SNX29: variants seen among roughly 807,000 people sequenced by gnomAD.
The protein encoded by SNX29 is sorting nexin-29.
In SNX29, 78 loss-of-function variants were observed where a neutral mutation model predicts 102.1. That is an observed-to-expected ratio of 0.76 (90% confidence interval 0.64 to 0.92). The LOEUF (loss-of-function observed/expected upper bound fraction) is 0.92. Ranked by LOEUF, SNX29 falls within the 40% of genes least tolerant of loss-of-function variation. SNX29 has a pLI of 0.00. For synonymous variants in SNX29, 580 were observed against 414.5 expected, an observed-to-expected ratio of 1.40 and a Z score of -4.85; for missense variants, 1,280 against 1,061.7, an observed-to-expected ratio of 1.21 and a Z score of -2.86.
chr16:12,276,769 C>T (rs372043092), intron 14 of SNX29, among the ~76,000 whole-genome samples: 1 of 152,104 alleles, frequency 6.6e-6, no homozygotes, highest in Non-Finnish European at 1.5e-5. Flanking sequence ...TCATTCTCAG[C>T]TTTTCTTTAT....
intron 19 of SNX29, among the ~76,000 whole-genome samples, chr16:12,481,231 A>G (rs188920730): frequency 2.6e-5 from 4 of 152,266 alleles, no homozygotes; most frequent in East Asian, 3.9e-4. Flanking sequence ...GTTCTTAACC[A>G]GATTTGTGGT....
chr16:12,556,240 G>T (rs191880599), intron 20 of SNX29: 1 of 152,094 alleles, frequency 6.6e-6, no homozygotes, highest in Non-Finnish European at 1.5e-5. Context: ...GTTTCATGGC[G>T]TCACACCCCA....
chr16:12,495,206 C>G, intron 19 of SNX29, among the ~76,000 whole-genome samples: 1 of 152,130 alleles, frequency 6.6e-6, no homozygotes, highest in East Asian at 1.9e-4. Context: ...GCCTGGAGCA[C>G]AGTGGCATGG....
chr16:12,572,475 C>CCA lies in SNX29; in HGVS notation c.*3847_*3848dup. On this transcript the variant is annotated 3_prime_UTR_variant, in exon 21 of 21. Transcript: ENST00000566228. ...TGGTACATTTTGCCAACCCTGAGGA[C>CCA]CAGTTCTTGGGGTTCCAGGCCTCGG... The CCA allele has an allele frequency of 2.8e-6, 3 of 1,063,810 alleles. No individual in the cohort carries two copies. The highest frequency in any genetic ancestry group is 3.4e-6 in the Non-Finnish European group (3 of 878,380). The allele number at this position is 1,063,810 out of a possible 1,614,324, so 65.9% of individuals were successfully genotyped here. A position where few individuals can be genotyped will look rare whatever the true frequency, so the allele number is the denominator to read the frequency against.
At chr16:12,143,579 C>T (rs1037077858) in intron 13 of SNX29, among the ~76,000 whole-genome samples, 9 of 152,110 alleles carry the variant, frequency 5.9e-5, no homozygotes, top group African/African-American at 2.2e-4. Context: ...TGGTAACAGA[C>T]CCTCCCTTAG....
In SNX29 at chr16:12,052,214, G is replaced by T. The variant is rs368090157; in HGVS notation, c.1116G>T (p.Ser372=). The T allele has an allele frequency of 3.5e-5, 56 of 1,613,660 alleles. 1 individual carries two copies. The South Asian group carries it at 5.3e-4, about 15-fold the overall frequency. The change falls in exon 8 of 21, where the codon TCG becomes TCT. Residue 372 remains serine, a synonymous_variant. Coordinates refer to ENST00000566228, the MANE Select transcript of SNX29 (RefSeq NM_032167.5). ...SGRKHRGHSE[S]PEKPLEGNTC... ...GGAAGCACAGGGGCCACTCGGAGTC[G>T]CCCGAGAAGTAAGTTTGTGTGTAAG... is the stretch of plus-strand genomic sequence containing the variant.
intron 20 of SNX29, among the ~76,000 whole-genome samples, chr16:12,534,115 T>TGCTA (rs1408915277): frequency 6.6e-6 from 1 of 152,146 alleles, no homozygotes; most frequent in Non-Finnish European, 1.5e-5. Context: ...GATGACAAGG[T>TGCTA]GCTAACCAGG....
chr16:12,271,584 GA>G (rs2079093413), intron 14 of SNX29, among the ~76,000 whole-genome samples: 1 of 152,040 alleles, frequency 6.6e-6, no homozygotes, highest in Admixed American at 6.6e-5. Context: ...GGGGCAGGGG[GA>G]ATTGGAACCA....
chr16:12,005,402 C>T (rs906924668), intron 3 of SNX29, among the ~76,000 whole-genome samples: 2 of 152,018 alleles, frequency 1.3e-5, no homozygotes, highest in African/African-American at 2.4e-5. Context: ...TGCCTGAAGC[C>T]GAGGAGCTTG....
Position 12,443,171 on chromosome 16 carries a change from T to A in SNX29, c.2038-34548T>A, listed in dbSNP as rs562559181. 1,452 of 378,222 alleles carry A rather than the reference T, an allele frequency of 3.8e-3. 4 individuals are homozygous for A. Among genetic ancestry groups the A allele is most frequent in the Non-Finnish European group, 5.5e-3 (1,060 of 192,278 alleles). The allele number at this position is 378,222 out of a possible 1,614,324, so 23.4% of individuals were successfully genotyped here. ...GGGCCTGCGTGGGCTTTCTCTGTCA[T>A]GCTCCTTCCTATGGAAGCTGCTCAG... On this transcript the variant is annotated intron_variant, in intron 18 of 20. Transcript: ENST00000566228.
intron 18 of SNX29, among the ~76,000 whole-genome samples, chr16:12,432,975 G>A (rs751522762): frequency 3.3e-5 from 5 of 152,340 alleles, no homozygotes; most frequent in South Asian, 2.1e-4. Context: ...CCTGGGCCAT[G>A]GCATGGGGGT....
intron 2 of SNX29, among the ~76,000 whole-genome samples, chr16:12,001,538 A>G (rs1302960244): frequency 1.3e-5 from 2 of 152,178 alleles, no homozygotes; most frequent in East Asian, 3.8e-4. Flanking sequence ...AATAAAATAT[A>G]GCCATTTAAG....
rs28872315 is a variant in SNX29 at position 12,464,714 on chromosome 16, G to A, written c.2038-13005G>A. On this transcript the variant is annotated intron_variant, in intron 18 of 20. Coordinates refer to ENST00000566228, the MANE Select transcript of SNX29 (RefSeq NM_032167.5). Reference sequence around the variant, plus strand: ...AAGGGATCCTCCCACCTCAGCCTCCGAAAGAGTTGGGATTATAGGCCTGAG... The same window carrying A: ...AAGGGATCCTCCCACCTCAGCCTCCAAAAGAGTTGGGATTATAGGCCTGAG... Among the ~76,000 whole-genome samples, 481 of 152,236 alleles carry A rather than the reference G, an allele frequency of 3.2e-3. 6 individuals are homozygous for A. Among genetic ancestry groups the A allele is most frequent in the African/African-American group, 0.011 (449 of 41,528 alleles).
chr16:12,268,487 G>T (rs2078999840), intron 14 of SNX29, among the ~76,000 whole-genome samples: 1 of 152,152 alleles, frequency 6.6e-6, no homozygotes, highest in Non-Finnish European at 1.5e-5. Flanking sequence ...ACTTGAAGAT[G>T]GTGGATGTTA....
intron 6 of SNX29, 84 bp from the exon 7 acceptor site, chr16:12,048,286 ACT>A (rs2050166269): frequency 6.3e-7 from 1 of 1,584,858 alleles, no homozygotes; most frequent in Non-Finnish European, 8.6e-7. Flanking sequence ...CCTCTTCTGT[ACT>A]CTGTTGTCTG....
chr16:12,273,093 T>C (rs1412580617), intron 14 of SNX29, among the ~76,000 whole-genome samples: 2 of 152,156 alleles, frequency 1.3e-5, no homozygotes, highest in African/African-American at 4.8e-5. Flanking sequence ...AATACTTAAT[T>C]CAACTCCAAG....
At chr16:12,294,521 C>T (rs1002924766) in intron 15 of SNX29, among the ~76,000 whole-genome samples, 5 of 152,296 alleles carry the variant, frequency 3.3e-5, no homozygotes, top group African/African-American at 1.2e-4. Context: ...TCCATAGGCA[C>T]CCGCCTCCCT....
At chr16:12,523,919 T>G (rs1341486635) in intron 19 of SNX29, among the ~76,000 whole-genome samples, 1 of 152,108 alleles carries the variant, frequency 6.6e-6, no homozygotes, top group Non-Finnish European at 1.5e-5. Flanking sequence ...GGAGTTTCGC[T>G]CTTGTTGCCC....
intron 20 of SNX29, among the ~76,000 whole-genome samples, chr16:12,561,662 T>C (rs559836771): frequency 1.6e-4 from 25 of 152,316 alleles, no homozygotes; most frequent in Non-Finnish European, 2.8e-4. Context: ...TGGGGCCCTC[T>C]GAGGGTGCCC....
Sources: allele counts gnomAD v4.1 joint callset (sites outside exome capture counted in the v4.1 genomes callset), GRCh38; gene constraint gnomAD v4.1.1; transcripts MANE v1.5; gene names NCBI Gene and HGNC (gene_info 2026-07-23, HGNC 2026-07-21).